Variants in MACROD1 observed in about 807,000 individuals in gnomAD.
The protein encoded by MACROD1 is mono-ADP ribosylhydrolase 1, also known as ADP-ribose glycohydrolase MACROD1.
In MACROD1, 31 loss-of-function variants were observed where a neutral mutation model predicts 41.4. The observed-to-expected ratio is 0.75, with a 90% confidence interval of 0.56 to 1.01. MACROD1 has a LOEUF of 1.01. Among genes scored for constraint, MACROD1 ranks in the 50% least tolerant of loss-of-function variants. The pLI, the probability that MACROD1 is intolerant of heterozygous loss-of-function variation, is 0.00. For missense variants in MACROD1, 473 were observed against 460.0 expected (o/e 1.03, Z -0.26); for synonymous variants, 252 against 203.4 (o/e 1.24, Z -2.03).
At chr11:64,151,464 G>A (rs933837049) in intron 2 of MACROD1, 109 bp from the exon 3 acceptor site, 28 of 746,606 alleles carry the variant, frequency 3.8e-5, no homozygotes, top group Non-Finnish European at 4.6e-6. Context: ...TCCACCTCCA[G>A]GGGCAGCCTG....
At chr11:64,130,057 G>A (rs896270083) in intron 3 of MACROD1, among the ~76,000 whole-genome samples, 3 of 152,112 alleles carry the variant, frequency 2.0e-5, no homozygotes, top group Admixed American at 2.0e-4. Flanking sequence ...TCAGCTGGAT[G>A]CCAGGAGATG....
intron 3 of MACROD1, among the ~76,000 whole-genome samples, chr11:64,095,972 C>T (rs1590901340): frequency 2.9e-5 from 1 of 34,530 alleles, no homozygotes; most frequent in African/African-American, 5.6e-5. Context: ...CAGCAGTGGT[C>T]CCCCCACCCC....
chr11:64,022,322 T>C (rs1398890309), intron 3 of MACROD1, among the ~76,000 whole-genome samples: 2 of 152,048 alleles, frequency 1.3e-5, no homozygotes, highest in African/African-American at 4.8e-5. Context: ...GCAAGCCTCC[T>C]TGGTGCTCCC....
intron 3 of MACROD1, among the ~76,000 whole-genome samples, chr11:64,110,971 G>A (rs1944852949): frequency 1.3e-5 from 2 of 152,208 alleles, no homozygotes; most frequent in Non-Finnish European, 2.9e-5. Context: ...GGGGCGGCAG[G>A]GGAGCCTTTG....
chr11:64,010,165 G>A (rs924597172), intron 4 of MACROD1, among the ~76,000 whole-genome samples: 4 of 151,296 alleles, frequency 2.6e-5, no homozygotes, highest in Admixed American at 6.6e-5. Flanking sequence ...GTGTTGCCTG[G>A]GGTGTTGGTT....
At chr11:64,138,523 TTGA>T (rs1171449468) in intron 3 of MACROD1, 1 of 985,436 alleles carries the variant, frequency 1.0e-6, no homozygotes, top group Non-Finnish European at 1.2e-6. Flanking sequence ...GATGTGGCGT[TTGA>T]TGATGTTTAA....
intron 3 of MACROD1, among the ~76,000 whole-genome samples, chr11:64,022,313 C>G (rs1373120048): frequency 6.6e-6 from 1 of 152,040 alleles, no homozygotes; most frequent in Non-Finnish European, 1.5e-5. Context: ...CTGGGGATAG[C>G]AAGCCTCCTT....
chr11:64,126,265 T>C (rs1161515937), intron 3 of MACROD1, among the ~76,000 whole-genome samples: 1 of 151,936 alleles, frequency 6.6e-6, no homozygotes, highest in African/African-American at 2.4e-5. Context: ...TTCCAGCTCA[T>C]AAGGAGAGGC....
chr11:64,096,765 G>A lies in MACROD1; in HGVS notation c.517+54474C>T, dbSNP rs980579994. On this transcript the variant is annotated intron_variant, in intron 3 of 10. Transcript: ENST00000255681. The surrounding 1 kb of genome is among the most constrained non-coding windows in gnomAD (Gnocchi z 4.6). ...TTGCTCTGTGAAGGGGCAGGCTCTG[G>A]CCGCAGTGCCCCTCCCTGAGGGGAA... 1.3e-5 allele frequency among the ~76,000 whole-genome samples: 2 copies of A among 152,188 alleles called. No homozygotes were observed. The highest frequency in any genetic ancestry group is 1.3e-4 in the Admixed American group (2 of 15,280).
chr11:64,130,962 G>A (rs1357720062), intron 3 of MACROD1, among the ~76,000 whole-genome samples: 2 of 152,252 alleles, frequency 1.3e-5, no homozygotes, highest in African/African-American at 2.4e-5. Context: ...TGGCCGGCCC[G>A]GCGAGGAAGC....
chr11:64,104,823 A>G (rs2845881), intron 3 of MACROD1, among the ~76,000 whole-genome samples: 146,913 of 152,238 alleles, frequency 0.97, 71,111 homozygotes, highest in Middle Eastern at 1. Context: ...GGGTCACACA[A>G]CAGGCGGTGA....
At chr11:64,114,508 AATGG>A (rs1262899663) in intron 3 of MACROD1, among the ~76,000 whole-genome samples, 4 of 104,902 alleles carry the variant, frequency 3.8e-5, no homozygotes, top group Admixed American at 3.7e-4. Context: ...TGGATGGATG[AATGG>A]ATGGATGGAT....
chr11:64,039,372 C>T lies in MACROD1; in HGVS notation c.518-24091G>A, dbSNP rs562225186. ...AGGCCCAGGCCCCAGGCCCTGGCTG[C>T]TGCCCCCGGTGTACTGCCTTCCAAG... is the stretch of plus-strand genomic sequence containing the variant. On this transcript the variant is annotated intron_variant, in intron 3 of 10. Transcript: ENST00000255681. 3.3e-5 allele frequency among the ~76,000 whole-genome samples: 5 copies of T among 152,318 alleles called. No individual in the cohort carries two copies. In the South Asian group the frequency reaches 1.0e-3, roughly 32 times the overall value.
At chr11:64,150,676 T>C (rs1945561846) in intron 3 of MACROD1, among the ~76,000 whole-genome samples, 1 of 152,114 alleles carries the variant, frequency 6.6e-6, no homozygotes. Flanking sequence ...AGCAGCCCCC[T>C]TCCTCCCTCC....
At chr11:64,016,563 G>A (rs994881511) in intron 3 of MACROD1, among the ~76,000 whole-genome samples, 14 of 152,370 alleles carry the variant, frequency 9.2e-5, no homozygotes, top group East Asian at 7.7e-4. Context: ...CCGTGAGGAC[G>A]GCATGGACGC....
chr11:64,145,880 C>T (rs1391072327), intron 3 of MACROD1, among the ~76,000 whole-genome samples: 2 of 152,214 alleles, frequency 1.3e-5, no homozygotes, highest in Non-Finnish European at 2.9e-5. Flanking sequence ...AGCAATTCTT[C>T]TGCCGCAGCC....
chr11:64,023,490 CTGGG>C (rs1943185335), intron 3 of MACROD1, among the ~76,000 whole-genome samples: 1 of 152,200 alleles, frequency 6.6e-6, no homozygotes, highest in Admixed American at 6.5e-5. Context: ...GGCCCCGAAG[CTGGG>C]TGGGGGCGGT....
intron 3 of MACROD1, among the ~76,000 whole-genome samples, chr11:64,034,827 G>T (rs1280491510): frequency 6.6e-6 from 1 of 152,246 alleles, no homozygotes; most frequent in Non-Finnish European, 1.5e-5. Flanking sequence ...GGCAGGCTTG[G>T]GACTCAGAGC....
chr11:64,046,790 C>T (rs1590834535), intron 3 of MACROD1, among the ~76,000 whole-genome samples: 1 of 152,166 alleles, frequency 6.6e-6, no homozygotes, highest in Admixed American at 6.5e-5. Flanking sequence ...TGAGCCGCTG[C>T]GCCTGGCCTG....
Sources: gnomAD v4.1 joint callset for allele counts (sites outside exome capture counted in the v4.1 genomes callset) on GRCh38, gnomAD v4.1.1 for gene constraint, Gnocchi (gnomAD v3.1) non-coding constraint, MANE v1.5 for transcripts, NCBI Gene and HGNC (gene_info 2026-07-23, HGNC 2026-07-21) for gene names.